Variants in KIF13B observed in about 807,000 individuals in gnomAD.
KIF13B encodes kinesin family member 13B.
In KIF13B, 127 loss-of-function variants were observed where a neutral mutation model predicts 222.0. The ratio of observed to expected loss-of-function variants is 0.57; its 90% CI spans 0.50 to 0.66. The LOEUF (loss-of-function observed/expected upper bound fraction) is 0.66, where lower values mean the gene tolerates loss of function less well. KIF13B is among the 30% of genes least tolerant of loss of function. KIF13B has a pLI of 0.00. For synonymous variants in KIF13B, 976 were observed against 919.0 expected, an observed-to-expected ratio of 1.06 and a Z score of -1.12; for missense variants, 2,173 against 2,379.0, an observed-to-expected ratio of 0.91 and a Z score of 1.80.
intron 37 of KIF13B, among the ~76,000 whole-genome samples, chr8:29,078,229 A>G (rs1438121550): frequency 6.8e-6 from 1 of 147,304 alleles, no homozygotes; most frequent in East Asian, 2.0e-4. Flanking sequence ...TGGGAGGTGG[A>G]GGTTGCAGTG....
At position 29,071,598 on chromosome 8, in the gene KIF13B, G is replaced by A. The variant is rs1174774544; in HGVS notation, c.5218+22C>T. On this transcript the variant is annotated intron_variant, in intron 39 of 39. Coordinates refer to ENST00000524189, the MANE Select transcript of KIF13B (RefSeq NM_015254.4). This position sits in a 1 kb window ranked among gnomAD's most constrained non-coding sequence, Gnocchi z 4.9. ...CCCAGACCCCCGGCACCACCCTGGA[G>A]CCCGGAGTGCCCGGTACCCACCTGA... 3 of 1,539,528 alleles carry A rather than the reference G, an allele frequency of 1.9e-6. No homozygotes were observed. The highest frequency in any genetic ancestry group is 8.8e-7 in the Non-Finnish European group (1 of 1,141,528).
chr8:29,181,835 A>T, intron 7 of KIF13B, 84 bp downstream of exon 7: 1 of 900,242 alleles, frequency 1.1e-6, no homozygotes, highest in South Asian at 1.6e-5. Flanking sequence ...TGCAATTTTT[A>T]AAAATAACAA....
intron 31 of KIF13B, 147 bp downstream of exon 31, chr8:29,116,684 G>T: frequency 1.7e-6 from 1 of 585,340 alleles, no homozygotes; most frequent in Non-Finnish European, 2.9e-6. Flanking sequence ...AAGCAAGCAT[G>T]GGTACAGGAC....
At chr8:29,205,134 A>G (rs1813871528) in intron 2 of KIF13B, among the ~76,000 whole-genome samples, 1 of 152,022 alleles carries the variant, frequency 6.6e-6, no homozygotes, top group South Asian at 2.1e-4. Flanking sequence ...GGCTGTAGTG[A>G]GCTATGATCA....
rs1279115900 is a variant in KIF13B, at chr8:29,242,815, C to G, written c.149+2531G>C. 3.3e-5 allele frequency among the ~76,000 whole-genome samples: 5 copies of G among 152,108 alleles called. No homozygotes were observed. The East Asian group carries it at 9.6e-4, about 29-fold the overall frequency. ...ACCTGGTTTTCCAATTAGTTGATAC[C>G]AAGAAGGAGAAGAATGGATTGCTGA... On this transcript the variant is annotated intron_variant, in intron 2 of 39. Coordinates refer to ENST00000524189, the MANE Select transcript of KIF13B (RefSeq NM_015254.4).
chr8:29,194,018 G>T (rs1188236720), intron 3 of KIF13B, among the ~76,000 whole-genome samples: 7 of 151,020 alleles, frequency 4.6e-5, no homozygotes, highest in Non-Finnish European at 7.4e-5. Context: ...TAGAGACAGG[G>T]TTTCACTGTG....
At chr8:29,132,549 T>A in intron 22 of KIF13B, 84 bp from the exon 23 acceptor site, 1 of 845,136 alleles carries the variant, frequency 1.2e-6, no homozygotes, top group Non-Finnish European at 1.6e-6. Context: ...CATACTTAAT[T>A]ATATCAGGGA....
At chr8:29,248,641 C>A (rs1816146159) in intron 1 of KIF13B, among the ~76,000 whole-genome samples, 1 of 152,192 alleles carries the variant, frequency 6.6e-6, no homozygotes, top group Non-Finnish European at 1.5e-5. Flanking sequence ...TTGTCTCCCA[C>A]TGGGTCCCTC....
chr8:29,241,128 G>A lies in KIF13B; in HGVS notation c.149+4218C>T, dbSNP rs569274938. On this transcript the variant is annotated intron_variant, in intron 2 of 39. Transcript: ENST00000524189. Reference sequence around the variant, plus strand: ...TTATTTCATCATAAAAAGGAATGAAGTATTGATAAATGCTACGAAGTGGAT... The same window carrying A: ...TTATTTCATCATAAAAAGGAATGAAATATTGATAAATGCTACGAAGTGGAT... Among the ~76,000 whole-genome samples, 3 of 152,316 alleles carry A rather than the reference G, an allele frequency of 2.0e-5. No individual in the cohort carries two copies. In the East Asian group the frequency reaches 5.8e-4, roughly 29 times the overall value.
chr8:29,227,441 C>T (rs1453157575), intron 2 of KIF13B, among the ~76,000 whole-genome samples: 1 of 152,098 alleles, frequency 6.6e-6, no homozygotes, highest in African/African-American at 2.4e-5. Flanking sequence ...AGGTGCCCAC[C>T]ACCACACCCG....
At chr8:29,072,972 C>T (rs76835799) in intron 38 of KIF13B, among the ~76,000 whole-genome samples, 3,037 of 151,970 alleles carry the variant, frequency 0.02, 46 homozygotes, top group Non-Finnish European at 0.03. Flanking sequence ...ATCGGAGGAC[C>T]GGAACACACT....
intron 32 of KIF13B, among the ~76,000 whole-genome samples, chr8:29,112,357 C>T (rs1412947745): frequency 3.5e-5 from 5 of 144,486 alleles, no homozygotes; most frequent in Admixed American, 7.5e-5. Context: ...CACTTGAACC[C>T]GGGAGTCGGA....
intron 2 of KIF13B, among the ~76,000 whole-genome samples, chr8:29,238,261 T>A (rs992729835): frequency 4.6e-5 from 7 of 152,242 alleles, no homozygotes; most frequent in African/African-American, 1.4e-4. Context: ...TGACTTCATG[T>A]ATGCCATAAG....
At chr8:29,088,911 G>C (rs957911860) in intron 37 of KIF13B, among the ~76,000 whole-genome samples, 1 of 152,252 alleles carries the variant, frequency 6.6e-6, no homozygotes, top group African/African-American at 2.4e-5. Context: ...CTTTAGTAGA[G>C]ATGGTCAGTG....
chr8:29,104,280 T>C (rs1006102578), intron 35 of KIF13B, among the ~76,000 whole-genome samples: 8 of 152,032 alleles, frequency 5.3e-5, no homozygotes, highest in African/African-American at 1.5e-4. Flanking sequence ...AAGCCTGCCC[T>C]ATAGTTCATC....
At chr8:29,208,090 T>C (rs951023933) in intron 2 of KIF13B, among the ~76,000 whole-genome samples, 2 of 152,180 alleles carry the variant, frequency 1.3e-5, no homozygotes, top group Non-Finnish European at 2.9e-5. Flanking sequence ...ATGAAAAGGA[T>C]GCTAAGCCAT....
chr8:29,105,805 C>T (rs751986398), intron 35 of KIF13B, among the ~76,000 whole-genome samples: 1 of 151,708 alleles, frequency 6.6e-6, no homozygotes, highest in Non-Finnish European at 1.5e-5. Flanking sequence ...ATTACAGGCG[C>T]CTGGCACCAC....
intron 10 of KIF13B, among the ~76,000 whole-genome samples, chr8:29,172,685 C>T (rs1034667599): frequency 1.3e-5 from 2 of 152,102 alleles, no homozygotes; most frequent in African/African-American, 4.8e-5. Flanking sequence ...ATTCCAATCC[C>T]GATCCTGCCA....
intron 35 of KIF13B, among the ~76,000 whole-genome samples, chr8:29,107,345 C>T (rs1423223392): frequency 4.0e-5 from 6 of 151,886 alleles, no homozygotes; most frequent in East Asian, 3.9e-4. Context: ...CTGGCCAACA[C>T]GGTGAAACCC....
Sources: gnomAD v4.1 joint callset for allele counts (sites outside exome capture counted in the v4.1 genomes callset) on GRCh38, gnomAD v4.1.1 for gene constraint, Gnocchi (gnomAD v3.1) non-coding constraint, MANE v1.5 for transcripts, NCBI Gene and HGNC (gene_info 2026-07-23, HGNC 2026-07-21) for gene names.